The following HSD17B12 variants were observed in gnomAD, a reference collection of about 807,000 sequenced individuals.
The protein encoded by HSD17B12 is hydroxysteroid 17-beta dehydrogenase 12.
A neutral mutation model predicts 39.3 loss-of-function variants in HSD17B12; 32 were observed. The observed-to-expected ratio is 0.81, with a 90% confidence interval of 0.61 to 1.09. HSD17B12 has a LOEUF of 1.09. HSD17B12 is among the 50% of genes least tolerant of loss of function. The probability of loss-of-function intolerance (pLI) is 0.00; values close to 1 mark genes in which losing one functional copy is unlikely to be tolerated. For missense variants in HSD17B12, 342 were observed against 382.9 expected, an observed-to-expected ratio of 0.89 and a Z score of 0.89; for synonymous variants, 150 against 146.7, an observed-to-expected ratio of 1.02 and a Z score of -0.16.
At chr11:43,623,266 T>C in the HSD17B12 span, among the ~76,000 whole-genome samples, 32 of 152,266 alleles carry the variant, frequency 2.1e-4, no homozygotes, top group East Asian at 3.1e-3. Flanking sequence ...CAGTATAGCT[T>C]TAGTAACTGT....
chr11:43,649,751 T>C, the HSD17B12 span, among the ~76,000 whole-genome samples: 1 of 152,218 alleles, frequency 6.6e-6, no homozygotes, highest in South Asian at 2.1e-4. Context: ...ACCAAGACTA[T>C]GTGGTAGAAG....
Position 43,854,699 on chromosome 11 carries a change from G to C in HSD17B12, c.685-16G>C. ...AATCAATGGCATGTTTTCTGGGGTG[G>C]GTGTTCCCTTTCTAGAGTGTCCTGC... On this transcript the variant is annotated splice_polypyrimidine_tract_variant and intron_variant, in intron 9 of 10. Transcript: ENST00000278353. 1 of 1,612,508 alleles carries C rather than the reference G, an allele frequency of 6.2e-7. No homozygotes were observed. Among genetic ancestry groups the C allele is most frequent in the South Asian group, 1.1e-5 (1 of 91,004 alleles).
intron 1 of HSD17B12, among the ~76,000 whole-genome samples, chr11:43,740,075 C>T (rs73540444): frequency 0.015 from 2,272 of 152,034 alleles, 63 homozygotes; most frequent in African/African-American, 0.051. Flanking sequence ...GATGGTAGCT[C>T]TAGGTGGTAG....
At chr11:43,606,060 AGGTCATTGACATCTGCCTCT>A in the HSD17B12 span, among the ~76,000 whole-genome samples, 1 of 152,242 alleles carries the variant, frequency 6.6e-6, no homozygotes, top group African/African-American at 2.4e-5. Flanking sequence ...AGACTCTTCA[AGGTCATTGACATCTGCCTCT>A]GGTCAGGTCA....
At chr11:43,615,954 G>A in the HSD17B12 span, among the ~76,000 whole-genome samples, 1 of 152,182 alleles carries the variant, frequency 6.6e-6, no homozygotes, top group East Asian at 1.9e-4. Flanking sequence ...ACAAACTCTA[G>A]TTTAATGCTT....
the HSD17B12 span, among the ~76,000 whole-genome samples, chr11:43,585,225 C>T: frequency 1.3e-5 from 2 of 152,174 alleles, no homozygotes; most frequent in Admixed American, 6.5e-5. Flanking sequence ...ATTTACTTTT[C>T]CTATTAACCA....
Position 43,691,519 on chromosome 11 carries a change from A to C in HSD17B12, c.160+10532A>C, listed in dbSNP as rs181152189. Among the ~76,000 whole-genome samples the C allele has an allele frequency of 3.1e-4, 47 of 152,232 alleles. 1 individual carries two copies. The highest frequency in any genetic ancestry group is 6.2e-4 in the South Asian group (3 of 4,826). On this transcript the variant is annotated intron_variant, in intron 1 of 10. Transcript: ENST00000278353. ...GCCAAATCTTGCTGAATCTACCACT[A>C]CAGTCTCTCTCGCATCCATACCTTC... is the stretch of plus-strand genomic sequence containing the variant.
intron 3 of HSD17B12, among the ~76,000 whole-genome samples, chr11:43,783,603 C>T (rs1440950815): frequency 6.6e-6 from 1 of 151,724 alleles, no homozygotes; most frequent in African/African-American, 2.4e-5. Context: ...TGTGATGCGC[C>T]CTTCCCTGTG....
intron 1 of HSD17B12, among the ~76,000 whole-genome samples, chr11:43,706,611 C>G (rs1950017407): frequency 1.3e-5 from 2 of 151,640 alleles, no homozygotes; most frequent in African/African-American, 4.9e-5. Context: ...TTAAGGGAAG[C>G]TGCCTTTTTG....
chr11:43,685,217 A>G (rs913412590), intron 1 of HSD17B12, among the ~76,000 whole-genome samples: 1 of 152,172 alleles, frequency 6.6e-6, no homozygotes, highest in African/African-American at 2.4e-5. Flanking sequence ...AATTCAGTAG[A>G]TAGTGAGGAC....
chr11:43,687,864 C>T (rs1270284407), intron 1 of HSD17B12, among the ~76,000 whole-genome samples: 1 of 152,214 alleles, frequency 6.6e-6, no homozygotes, highest in Non-Finnish European at 1.5e-5. Context: ...CATTGTTACA[C>T]AGAGATAGAT....
chr11:43,714,936 G>T (rs751345632), intron 1 of HSD17B12, among the ~76,000 whole-genome samples: 74 of 152,062 alleles, frequency 4.9e-4, no homozygotes, highest in Non-Finnish European at 8.4e-4. Flanking sequence ...GTCTGTTATT[G>T]GTGTATAAGA....
At position 43,831,048 on chromosome 11, in the gene HSD17B12, G is replaced by A. The variant is rs889570286; in HGVS notation, c.536+38G>A. 6.4e-7 allele frequency: 1 copy of A among 1,574,482 alleles called. No homozygotes were observed. The highest frequency in any genetic ancestry group is 1.8e-5 in the Admixed American group (1 of 55,626). On this transcript the variant is annotated intron_variant, in intron 7 of 10. Coordinates refer to ENST00000278353, the MANE Select transcript of HSD17B12 (RefSeq NM_016142.3). This position sits in a 1 kb window ranked among gnomAD's most constrained non-coding sequence, Gnocchi z 4.1. The stretch of plus-strand genomic sequence containing the variant: ...CTCACATACAAACACTGTGGAAGCA[G>A]AGCTCATGATTATTTAGAGGGAGAA...
chr11:43,776,408 GAGA>G (rs1950704558), intron 3 of HSD17B12, among the ~76,000 whole-genome samples: 1 of 152,066 alleles, frequency 6.6e-6, no homozygotes, highest in Non-Finnish European at 1.5e-5. Flanking sequence ...GTCTTCTTTT[GAGA>G]AGTGTCTGTT....
the HSD17B12 span, among the ~76,000 whole-genome samples, chr11:43,639,071 T>G: frequency 7.9e-5 from 12 of 152,328 alleles, no homozygotes; most frequent in Admixed American, 7.8e-4. Context: ...GATAAGATTT[T>G]TATGGCTCTG....
chr11:43,796,500 AGCCATTT>A, intron 3 of HSD17B12, among the ~76,000 whole-genome samples: 1 of 152,364 alleles, frequency 6.6e-6, no homozygotes, highest in East Asian at 1.9e-4. Context: ...TTGTACCAGA[AGCCATTT>A]GCTTATGCTA....
chr11:43,675,074 T>A, the HSD17B12 span, among the ~76,000 whole-genome samples: 2 of 152,216 alleles, frequency 1.3e-5, no homozygotes, highest in African/African-American at 2.4e-5. Context: ...TGTCAGGTAC[T>A]CTTGGGTGCA....
chr11:43,771,697 C>A (rs1478446956), intron 3 of HSD17B12, among the ~76,000 whole-genome samples: 3 of 152,078 alleles, frequency 2.0e-5, no homozygotes, highest in Admixed American at 6.5e-5. Flanking sequence ...GGACTCCTGA[C>A]CTCAAGTGAT....
At chr11:43,705,160 G>A (rs1367230357) in intron 1 of HSD17B12, among the ~76,000 whole-genome samples, 3 of 152,174 alleles carry the variant, frequency 2.0e-5, no homozygotes, top group Admixed American at 6.5e-5. Flanking sequence ...AAAGACTTTT[G>A]TATGGGATAT....
Sources: allele counts gnomAD v4.1 joint callset (sites outside exome capture counted in the v4.1 genomes callset), GRCh38; gene constraint gnomAD v4.1.1; non-coding constraint Gnocchi (gnomAD v3.1); transcripts MANE v1.5; gene names NCBI Gene and HGNC (gene_info 2026-07-23, HGNC 2026-07-21).